Variants in CCDC102B observed in about 807,000 individuals in gnomAD.
CCDC102B encodes coiled-coil domain containing 102B, also known as coiled-coil domain-containing protein 102B.
Under a neutral mutation model 57.4 loss-of-function variants are expected in CCDC102B, and 75 were observed. The ratio of observed to expected loss-of-function variants is 1.31; its 90% confidence interval spans 1.08 to 1.58. The LOEUF is 1.58. Ranked by LOEUF, CCDC102B falls within the 40% of genes most tolerant of loss-of-function variation. CCDC102B has a pLI of 0.00. For missense variants in CCDC102B, 636 were observed against 582.6 expected (o/e 1.09, Z -0.94); for synonymous variants, 206 against 201.9 (o/e 1.02, Z -0.17).
At chr18:68,867,621 T>C (rs931235139) in intron 4 of CCDC102B, among the ~76,000 whole-genome samples, 4 of 151,942 alleles carry the variant, frequency 2.6e-5, no homozygotes, top group Non-Finnish European at 5.9e-5. Flanking sequence ...AATTAATCTA[T>C]CCCAGCTAGA....
chr18:68,792,118 G>A (rs1206142449), intron 2 of CCDC102B, among the ~76,000 whole-genome samples: 2 of 152,152 alleles, frequency 1.3e-5, no homozygotes, highest in East Asian at 3.8e-4. Context: ...GGAAAGAACA[G>A]TTAACCATTT....
intron 2 of CCDC102B, among the ~76,000 whole-genome samples, chr18:68,735,417 T>G (rs578074355): frequency 5.5e-4 from 83 of 152,292 alleles, no homozygotes; most frequent in African/African-American, 1.9e-3. Context: ...CCAACATTCT[T>G]TTCCTTAAAT....
At position 68,765,504 on chromosome 18, in the gene CCDC102B, CAAGA is replaced by C. The variant is rs1293877794; in HGVS notation, c.-67+48919_-67+48922del. On this transcript the variant is annotated intron_variant, in intron 2 of 3. Coordinates refer to the CCDC102B transcript ENST00000578970. ...GGAGAGGAAGAAAGAAAGAAGAAAGCAAGAAAGAAAGAGAAAGAAATAGAAAGAG... is the reference window on the plus strand; with the variant it reads ...GGAGAGGAAGAAAGAAAGAAGAAAGCAAGAAAGAGAAAGAAATAGAAAGAG... Among the ~76,000 whole-genome samples the C allele has an allele frequency of 8.0e-5, 12 of 150,878 alleles. No homozygotes were observed. The East Asian group carries it at 9.8e-4, about 12-fold the overall frequency.
chr18:68,837,240 G>A lies in CCDC102B; in HGVS notation c.477G>A (p.Lys159=), dbSNP rs2037422734. The change falls in exon 2 of 8, where the codon AAG becomes AAA. Residue 159 remains lysine, a synonymous_variant. Coordinates refer to ENST00000360242, the MANE Select transcript of CCDC102B (RefSeq NM_024781.3). ...AAGCTAAAGTTACCCAGGATCTGAA[G>A]CTTCCTGGCTTCGTAGAAGAATCCT... ...ALEAKVTQDL[K]LPGFVEESCE... The A allele has an allele frequency of 1.2e-6, 2 of 1,614,046 alleles. No homozygotes were observed. The highest frequency in any genetic ancestry group is 1.7e-5 in the Admixed American group (1 of 59,994).
At chr18:69,039,924 C>T (rs978550178) in intron 7 of CCDC102B, among the ~76,000 whole-genome samples, 13 of 151,686 alleles carry the variant, frequency 8.6e-5, no homozygotes, top group Non-Finnish European at 1.2e-4. Context: ...TCCTACTCTC[C>T]AATTGTAAAA....
chr18:68,814,943 A>C (rs561551148), intron 1 of CCDC102B, among the ~76,000 whole-genome samples: 121 of 149,356 alleles, frequency 8.1e-4, no homozygotes, highest in Non-Finnish European at 1.4e-3. Flanking sequence ...ATCACTGCTA[A>C]AGTTTTTGAT....
intron 1 of CCDC102B, among the ~76,000 whole-genome samples, chr18:68,810,953 G>T (rs1179686622): frequency 6.6e-6 from 1 of 151,954 alleles, no homozygotes; most frequent in East Asian, 1.9e-4. Context: ...GCAGTGTTTG[G>T]TTTTCTGTTC....
At chr18:68,744,114 T>A (rs139872360) in intron 2 of CCDC102B, among the ~76,000 whole-genome samples, 47 of 152,316 alleles carry the variant, frequency 3.1e-4, no homozygotes, top group East Asian at 2.1e-3. Flanking sequence ...TATCAGAACA[T>A]GTTTAGGCAA....
chr18:69,057,403 G>T (rs761489051), downstream of CCDC102B, among the ~76,000 whole-genome samples: 3 of 152,012 alleles, frequency 2.0e-5, no homozygotes, highest in Non-Finnish European at 4.4e-5. Context: ...CTGGGTCCTG[G>T]ATGTCCAAGA....
intron 4 of CCDC102B, among the ~76,000 whole-genome samples, chr18:68,854,951 G>A (rs530571217): frequency 1.7e-4 from 26 of 152,254 alleles, no homozygotes; most frequent in African/African-American, 6.3e-4. Context: ...CCCTAAAAAG[G>A]AAAGTGAAAT....
rs758879958 is a variant in CCDC102B, at chr18:69,053,985, T to C, written c.1435-45T>C. 1.3e-5 allele frequency: 19 copies of C among 1,490,080 alleles called. No homozygotes were observed. The Middle Eastern group carries it at 5.1e-4, about 40-fold the overall frequency. The allele number at this position is 1,490,080 out of a possible 1,614,324, so 92.3% of individuals were successfully genotyped here. A position where few individuals can be genotyped will look rare whatever the true frequency, so the allele number is the denominator to read the frequency against. ...TTACTATAGCCACCATGATGTACTATAGAACACTTGAACCTAACTAAAGCA... is the reference window on the plus strand; with the variant it reads ...TTACTATAGCCACCATGATGTACTACAGAACACTTGAACCTAACTAAAGCA... On this transcript the variant is annotated intron_variant, in intron 7 of 7. Transcript: ENST00000360242.
intron 6 of CCDC102B, among the ~76,000 whole-genome samples, chr18:69,008,019 A>G (rs915309918): frequency 6.6e-6 from 1 of 152,276 alleles, no homozygotes; most frequent in African/African-American, 2.4e-5. Flanking sequence ...CTAAAGCACA[A>G]GGTCATGTAA....
intron 2 of CCDC102B, among the ~76,000 whole-genome samples, chr18:68,781,336 G>A (rs1329579749): frequency 9.8e-6 from 1 of 102,030 alleles, no homozygotes; most frequent in Non-Finnish European, 2.0e-5. Flanking sequence ...TGAGTGGGTG[G>A]ACAAAGAAAT....
chr18:68,824,298 A>C (rs4592758), intron 1 of CCDC102B, among the ~76,000 whole-genome samples: 64,860 of 152,090 alleles, frequency 0.43, 15,040 homozygotes, highest in East Asian at 0.86. Context: ...AGTAACATGT[A>C]TTGCACGAGG....
intron 6 of CCDC102B, among the ~76,000 whole-genome samples, chr18:68,938,803 G>A (rs1417151143): frequency 6.6e-6 from 1 of 151,340 alleles, no homozygotes; most frequent in African/African-American, 2.4e-5. Flanking sequence ...ACAAATATGG[G>A]AGAATATAGA....
rs2049889148 is a variant in CCDC102B, at chr18:68,956,516, GCA to G, written c.1264-54417_1264-54416del. On this transcript the variant is annotated intron_variant, in intron 6 of 7. Coordinates refer to ENST00000360242, the MANE Select transcript of CCDC102B (RefSeq NM_024781.3). The stretch of plus-strand genomic sequence containing the variant: ...ATATAAAATATATAATATATATATC[GCA>G]TATTATATATATTATATATTTTATA... Among the ~76,000 whole-genome samples the G allele has an allele frequency of 1.0e-4, 2 of 19,112 alleles. 1 individual carries two copies. The highest frequency in any genetic ancestry group is 1.0e-3 in the African/African-American group (2 of 1,980). 12.5% of individuals were successfully genotyped at this position (19,112 alleles called of 152,430 possible). A position where few individuals can be genotyped will look rare whatever the true frequency, so the allele number is the denominator to read the frequency against.
intron 6 of CCDC102B, among the ~76,000 whole-genome samples, chr18:68,961,693 A>T (rs767465918): frequency 6.6e-6 from 1 of 152,148 alleles, no homozygotes; most frequent in Non-Finnish European, 1.5e-5. Flanking sequence ...ATACTTCCTA[A>T]TTCTGCAAAT....
At chr18:68,765,378 A>AAAGAAAGAAAGAAAGAAAGG (rs1568239061) in intron 2 of CCDC102B, among the ~76,000 whole-genome samples, 7 of 132,500 alleles carry the variant, frequency 5.3e-5, no homozygotes, top group African/African-American at 5.8e-5. Context: ...AGAAAGAAAG[A>AAAGAAAGAAAGAAAGAAAGG]AAAGAAAGAA....
intron 2 of CCDC102B, chr18:68,755,089 AT>A (rs1415193502): frequency 1.3e-5 from 2 of 152,212 alleles, no homozygotes; most frequent in Admixed American, 6.5e-5. Context: ...GTTTTTCTCT[AT>A]TCTTTCATCT....
Sources: gnomAD v4.1 joint callset for allele counts (sites outside exome capture counted in the v4.1 genomes callset) on GRCh38, gnomAD v4.1.1 for gene constraint, MANE v1.5 for transcripts, NCBI Gene and HGNC (gene_info 2026-07-23, HGNC 2026-07-21) for gene names.